MARCHF1: variants seen among roughly 807,000 people sequenced by gnomAD.
MARCHF1 encodes the protein E3 ubiquitin-protein ligase MARCHF1.
In MARCHF1, 40 loss-of-function variants were observed where a neutral mutation model predicts 54.2. The ratio of observed to expected loss-of-function variants is 0.74; its 90% CI spans 0.57 to 0.96. The LOEUF (loss-of-function observed/expected upper bound fraction) is 0.96, where lower values mean the gene tolerates loss of function less well. MARCHF1 is among the 40% of genes least tolerant of loss of function. The pLI, the probability that MARCHF1 is intolerant of heterozygous loss-of-function variation, is 0.00. For synonymous variants in MARCHF1, 236 were observed against 236.3 expected (o/e 1.00, Z 0.01); for missense variants, 586 against 656.5 (o/e 0.89, Z 1.17).
intron 5 of MARCHF1, among the ~76,000 whole-genome samples, chr4:163,642,330 AAC>A (rs1742584851): frequency 6.6e-6 from 1 of 152,136 alleles, no homozygotes; most frequent in Non-Finnish European, 1.5e-5. Context: ...CTTTTTTATT[AAC>A]ATAAATTTTC....
intron 3 of MARCHF1, among the ~76,000 whole-genome samples, chr4:163,984,013 A>G (rs1752812955): frequency 6.6e-6 from 1 of 151,932 alleles, no homozygotes; most frequent in Non-Finnish European, 1.5e-5. Context: ...TTATTTTACT[A>G]ATAAATAAAT....
At chr4:163,954,220 T>C (rs962531496) in intron 3 of MARCHF1, among the ~76,000 whole-genome samples, 3 of 152,158 alleles carry the variant, frequency 2.0e-5, no homozygotes, top group African/African-American at 7.2e-5. Context: ...AAAAATCACA[T>C]GGAATATTAA....
chr4:164,244,785 A>T (rs1222248995), intron 1 of MARCHF1, among the ~76,000 whole-genome samples: 1 of 152,108 alleles, frequency 6.6e-6, no homozygotes, highest in African/African-American at 2.4e-5. Context: ...TATCACCACC[A>T]ATCCCACAGA....
At chr4:163,817,914 G>A (rs1748586277) in intron 4 of MARCHF1, among the ~76,000 whole-genome samples, 2 of 129,814 alleles carry the variant, frequency 1.5e-5, no homozygotes, top group Admixed American at 1.8e-4. Flanking sequence ...TGAACAATGA[G>A]AACACATGGA....
At chr4:164,220,520 A>ATATATATGATATATATCTATATATGTAC (rs1484512385) in intron 1 of MARCHF1, among the ~76,000 whole-genome samples, 6 of 145,782 alleles carry the variant, frequency 4.1e-5, no homozygotes, top group African/African-American at 7.4e-5. Flanking sequence ...TATATATGTA[A>ATATATATGATATATATCTATATATGTAC]TATATATGAT....
At chr4:164,021,046 C>A (rs1323902301) in intron 2 of MARCHF1, among the ~76,000 whole-genome samples, 2 of 148,832 alleles carry the variant, frequency 1.3e-5, no homozygotes, top group East Asian at 3.9e-4. Context: ...ACCATGGAAT[C>A]TGAGGGATAT....
intron 2 of MARCHF1, among the ~76,000 whole-genome samples, chr4:164,095,415 A>AC (rs1755389609): frequency 6.7e-6 from 1 of 148,934 alleles, no homozygotes; most frequent in South Asian, 2.1e-4. Context: ...CACACACACA[A>AC]ACACACACAC....
At chr4:164,378,831 C>G in intron 1 of MARCHF1, among the ~76,000 whole-genome samples, 1 of 152,154 alleles carries the variant, frequency 6.6e-6, no homozygotes, top group Non-Finnish European at 1.5e-5. Context: ...CCTGCCTCAG[C>G]CTCCCAAGTA....
chr4:164,057,100 C>G (rs967870530), intron 2 of MARCHF1, among the ~76,000 whole-genome samples: 6 of 152,104 alleles, frequency 3.9e-5, no homozygotes, highest in African/African-American at 1.4e-4. Flanking sequence ...AAGAAAGATA[C>G]AACAGAATAA....
intron 1 of MARCHF1, among the ~76,000 whole-genome samples, chr4:164,299,122 A>C (rs1734485581): frequency 6.6e-6 from 1 of 152,192 alleles, no homozygotes. Flanking sequence ...AATTTTAGAA[A>C]ACATTAAACT....
chr4:164,190,442 T>G, intron 1 of MARCHF1: 1 of 409,086 alleles, frequency 2.4e-6, no homozygotes, highest in Non-Finnish European at 4.4e-6. Context: ...AATTGTCACC[T>G]CAGAGTGGAG....
chr4:164,338,484 A>G (rs975090623), intron 1 of MARCHF1, among the ~76,000 whole-genome samples: 1 of 152,216 alleles, frequency 6.6e-6, no homozygotes, highest in African/African-American at 2.4e-5. Context: ...GGGTGGCATA[A>G]TGGATTTTTT....
intron 2 of MARCHF1, among the ~76,000 whole-genome samples, chr4:164,014,727 G>T (rs2110951598): frequency 6.6e-6 from 1 of 152,078 alleles, no homozygotes; most frequent in East Asian, 1.9e-4. Flanking sequence ...AAACTAAAAA[G>T]AGCAGGAGTA....
chr4:164,356,605 G>A (rs1187058757), intron 1 of MARCHF1, among the ~76,000 whole-genome samples: 1 of 140,050 alleles, frequency 7.1e-6, no homozygotes, highest in Non-Finnish European at 1.6e-5. Flanking sequence ...ACACTCTGGG[G>A]ACTGTGGTGG....
intron 2 of MARCHF1, among the ~76,000 whole-genome samples, chr4:164,098,446 A>G (rs1006448552): frequency 2.0e-5 from 3 of 152,328 alleles, no homozygotes; most frequent in African/African-American, 7.2e-5. Flanking sequence ...GAGTAGCCCT[A>G]AAATGTCATG....
chr4:163,690,211 A>G (rs1744403584), intron 5 of MARCHF1, among the ~76,000 whole-genome samples: 2 of 152,196 alleles, frequency 1.3e-5, no homozygotes, highest in Non-Finnish European at 1.5e-5. Context: ...TCAACCCCAC[A>G]AATGTAGTTT....
At chr4:164,140,174 CACACACACATATACACAT>C (rs1756493698) in intron 1 of MARCHF1, among the ~76,000 whole-genome samples, 1 of 151,158 alleles carries the variant, frequency 6.6e-6, no homozygotes, top group South Asian at 2.1e-4. Context: ...CACTCATGCA[CACACACACATATACACAT>C]ACACACACAT....
intron 7 of MARCHF1, among the ~76,000 whole-genome samples, chr4:163,599,951 T>G (rs1432487537): frequency 1.3e-5 from 2 of 152,214 alleles, no homozygotes; most frequent in Non-Finnish European, 2.9e-5. Flanking sequence ...CTGTATTTTC[T>G]ATTTCCATCA....
chr4:163,882,648 T>G (rs1488356659), intron 3 of MARCHF1, among the ~76,000 whole-genome samples: 1 of 152,186 alleles, frequency 6.6e-6, no homozygotes, highest in Non-Finnish European at 1.5e-5. Flanking sequence ...ACTTTAAAAT[T>G]TTAATGTTGA....
Sources: allele counts gnomAD v4.1 joint callset (sites outside exome capture counted in the v4.1 genomes callset), GRCh38; gene constraint gnomAD v4.1.1; transcripts MANE v1.5; gene names NCBI Gene and HGNC (gene_info 2026-07-23, HGNC 2026-07-21).